VEPH1: variants seen among roughly 807,000 people sequenced by gnomAD.
The protein encoded by VEPH1 is ventricular zone expressed PH domain containing 1.
In VEPH1, 80 loss-of-function variants were observed where a neutral mutation model predicts 85.2. That is an observed-to-expected ratio of 0.94 (90% CI 0.78 to 1.13). VEPH1 has a LOEUF of 1.13. VEPH1 is among the 50% of genes most tolerant of loss of function. The pLI, the probability that VEPH1 is intolerant of heterozygous loss-of-function variation, is 0.00. For missense variants in VEPH1, 955 were observed against 980.5 expected (o/e 0.97, Z 0.35); for synonymous variants, 297 against 348.0 (o/e 0.85, Z 1.63).
chr3:157,302,307 A>T (rs1310747467), intron 11 of VEPH1, among the ~76,000 whole-genome samples: 1 of 152,170 alleles, frequency 6.6e-6, no homozygotes, highest in Non-Finnish European at 1.5e-5. Context: ...CCCACACAGC[A>T]GACTGAGCAA....
At chr3:157,454,215 G>A (rs1735192753) in intron 4 of VEPH1, among the ~76,000 whole-genome samples, 1 of 152,080 alleles carries the variant, frequency 6.6e-6, no homozygotes, top group African/African-American at 2.4e-5. Context: ...TGGGCTTTAA[G>A]CAAATTTAAT....
Position 157,260,845 on chromosome 3 carries a change from A to T in VEPH1, c.*289T>A, listed in dbSNP as rs903350376. Reference sequence around the variant, plus strand: ...ATCTACAGAAGTTCTTTTATCAGTGACTTTTCCCTTCCTGGCCCCACACTA... The same window carrying T: ...ATCTACAGAAGTTCTTTTATCAGTGTCTTTTCCCTTCCTGGCCCCACACTA... On this transcript the variant is annotated 3_prime_UTR_variant, in exon 14 of 14. Coordinates refer to ENST00000362010, the MANE Select transcript of VEPH1 (RefSeq NM_001167912.2). 6 of 310,100 alleles carry T rather than the reference A, an allele frequency of 1.9e-5. No homozygotes were observed. The highest frequency in any genetic ancestry group is 4.4e-5 in the African/African-American group (2 of 45,878). 19.2% of individuals were successfully genotyped at this position (310,100 alleles called of 1,614,324 possible). A position where few individuals can be genotyped will look rare whatever the true frequency, so the allele number is the denominator to read the frequency against.
At chr3:157,428,514 G>T (rs753519250) in intron 4 of VEPH1, 26 bp from the exon 5 acceptor site, 2 of 1,604,832 alleles carry the variant, frequency 1.2e-6, no homozygotes, top group Admixed American at 3.3e-5. Flanking sequence ...TAAAGGGAAT[G>T]ATGACTTTAT....
chr3:157,316,179 A>G (rs978024877), intron 10 of VEPH1: 1 of 152,128 alleles, frequency 6.6e-6, no homozygotes, highest in South Asian at 2.1e-4. Context: ...ATGAAATACA[A>G]CTGTCTTCTT....
intron 9 of VEPH1, among the ~76,000 whole-genome samples, chr3:157,339,365 C>A (rs1723281360): frequency 6.6e-6 from 1 of 152,166 alleles, no homozygotes; most frequent in Non-Finnish European, 1.5e-5. Flanking sequence ...ATGGGAAGGC[C>A]TCTGCTGGCT....
intron 5 of VEPH1, among the ~76,000 whole-genome samples, chr3:157,423,889 G>T (rs58392573): frequency 0.047 from 7,139 of 152,136 alleles, 253 homozygotes; most frequent in South Asian, 0.15. Context: ...GAATACAAAT[G>T]TTCCAGTCTT....
chr3:157,457,813 C>T (rs1735507241), intron 4 of VEPH1, among the ~76,000 whole-genome samples: 1 of 151,942 alleles, frequency 6.6e-6, no homozygotes, highest in Non-Finnish European at 1.5e-5. Context: ...AAGGATATTG[C>T]CTTGAAGTTT....
intron 9 of VEPH1, among the ~76,000 whole-genome samples, chr3:157,343,455 C>A (rs1246562527): frequency 6.6e-6 from 1 of 152,158 alleles, no homozygotes; most frequent in Non-Finnish European, 1.5e-5. Context: ...TGGACACATA[C>A]ACCCTCCCAA....
At chr3:157,436,048 G>A (rs1436761151) in intron 4 of VEPH1, among the ~76,000 whole-genome samples, 1 of 152,112 alleles carries the variant, frequency 6.6e-6, no homozygotes, top group Non-Finnish European at 1.5e-5. Context: ...AGGCGAAGGC[G>A]GGTGGATCGC....
chr3:157,264,351 C>A (rs1559906717), intron 13 of VEPH1, among the ~76,000 whole-genome samples: 1 of 152,152 alleles, frequency 6.6e-6, no homozygotes, highest in African/African-American at 2.4e-5. Flanking sequence ...CTGAATTACA[C>A]CACCAGTTTT....
rs576000525 is a variant in VEPH1 at position 157,448,493 on chromosome 3, A to G, written c.529+11688T>C. Among the ~76,000 whole-genome samples the G allele has an allele frequency of 3.9e-5, 6 of 152,324 alleles. No homozygotes were observed. In the South Asian group the frequency reaches 1.2e-3, roughly 32 times the overall value. On this transcript the variant is annotated intron_variant, in intron 4 of 13. Coordinates refer to ENST00000362010, the MANE Select transcript of VEPH1 (RefSeq NM_001167912.2). ...TTGCATTATGGAGTTTCACATCAAA[A>G]TTTTAAAAGGGCTTCCCTATAAACC...
intron 6 of VEPH1, among the ~76,000 whole-genome samples, chr3:157,394,740 A>G (rs1730203197): frequency 6.6e-6 from 1 of 152,150 alleles, no homozygotes; most frequent in South Asian, 2.1e-4. Flanking sequence ...AGAGCAGCAT[A>G]CCTCACTCTG....
At chr3:157,300,424 A>T (rs902254622) in intron 11 of VEPH1, among the ~76,000 whole-genome samples, 4 of 152,208 alleles carry the variant, frequency 2.6e-5, no homozygotes. Context: ...GACATGCTTC[A>T]TTATAGGACA....
In VEPH1 at chr3:157,273,970, G is replaced by A. The variant is rs143439072; in HGVS notation, c.2129-8308C>T. 3.3e-3 allele frequency among the ~76,000 whole-genome samples: 495 copies of A among 152,286 alleles called. 4 individuals carry two copies. The highest frequency in any genetic ancestry group is 0.011 in the African/African-American group (475 of 41,556). On this transcript the variant is annotated intron_variant, in intron 12 of 13. Coordinates refer to ENST00000362010, the MANE Select transcript of VEPH1 (RefSeq NM_001167912.2). Reference sequence around the variant, plus strand: ...TATAGGCCTATGGTTTATGTGGTAAGAGCACTGTCTTTGGAGGCCGACCTC... The same window carrying A: ...TATAGGCCTATGGTTTATGTGGTAAAAGCACTGTCTTTGGAGGCCGACCTC...
intron 12 of VEPH1, among the ~76,000 whole-genome samples, chr3:157,279,669 C>T (rs767847073): frequency 7.9e-5 from 12 of 151,864 alleles, no homozygotes; most frequent in African/African-American, 2.4e-4. Context: ...GGATGAAATC[C>T]GAGGCAAAAT....
chr3:157,356,376 T>C (rs1725433169), intron 9 of VEPH1, among the ~76,000 whole-genome samples: 1 of 152,226 alleles, frequency 6.6e-6, no homozygotes, highest in African/African-American at 2.4e-5. Context: ...AGCTTTGGAC[T>C]CATCTGCTGT....
intron 2 of VEPH1, among the ~76,000 whole-genome samples, chr3:157,487,905 T>C (rs1241966829): frequency 6.6e-6 from 1 of 152,076 alleles, no homozygotes; most frequent in East Asian, 1.9e-4. Flanking sequence ...ATAAAGAGCA[T>C]TAACCAAAAG....
chr3:157,341,926 A>T (rs1423174806), intron 9 of VEPH1, among the ~76,000 whole-genome samples: 1 of 152,118 alleles, frequency 6.6e-6, no homozygotes, highest in Non-Finnish European at 1.5e-5. Flanking sequence ...AGCCAAACTA[A>T]ACTTCATAAG....
intron 13 of VEPH1, among the ~76,000 whole-genome samples, chr3:157,263,910 T>A (rs747316281): frequency 6.6e-6 from 1 of 152,240 alleles, no homozygotes; most frequent in Non-Finnish European, 1.5e-5. Context: ...CATTAATTAA[T>A]TCAGACAGTT....
Sources: allele counts gnomAD v4.1 joint callset (sites outside exome capture counted in the v4.1 genomes callset), GRCh38; gene constraint gnomAD v4.1.1; transcripts MANE v1.5; gene names NCBI Gene and HGNC (gene_info 2026-07-23, HGNC 2026-07-21).